The following PSORS1C1 variants were observed in gnomAD, a reference collection of about 807,000 sequenced individuals.
PSORS1C1 encodes psoriasis susceptibility 1 candidate 1, also known as psoriasis susceptibility 1 candidate gene 1 protein.
A neutral mutation model predicts 9.4 loss-of-function variants in PSORS1C1; 7 were observed. That is an observed-to-expected ratio of 0.75 (90% CI 0.42 to 1.40). PSORS1C1 has a LOEUF of 1.40. Among genes scored for constraint, PSORS1C1 ranks in the 40% most tolerant of loss-of-function variants. The probability of loss-of-function intolerance (pLI) is 0.01; values close to 1 mark genes in which losing one functional copy is unlikely to be tolerated. For missense variants in PSORS1C1, 146 were observed against 178.1 expected (o/e 0.82, Z 1.02); for synonymous variants, 63 against 69.4 (o/e 0.91, Z 0.46).
intron 1 of PSORS1C1, chr6:31,120,523 G>A (rs1772403654): frequency 2.9e-6 from 3 of 1,044,532 alleles, no homozygotes; most frequent in East Asian, 2.6e-5. Context: ...GGGAGAGGAG[G>A]AGAGGTGGAG....
intron 1 of PSORS1C1, chr6:31,116,437 G>A (rs1377755089): frequency 3.1e-6 from 5 of 1,590,126 alleles, no homozygotes; most frequent in East Asian, 2.3e-5. Flanking sequence ...AGAACTGGAG[G>A]GAGAGCAGGG....
At position 31,131,189 on chromosome 6, in the gene PSORS1C1, C is replaced by T. The variant is rs117690558; in HGVS notation, c.13+1544C>T. On this transcript the variant is annotated intron_variant, in intron 3 of 5. Coordinates refer to ENST00000259881, the MANE Select transcript of PSORS1C1 (RefSeq NM_014068.3). ...TTTACTCCAATCATTCCGATCTACTCTTTGTTAATTGGGCCCTTCATTAAA... is the reference window on the plus strand; with the variant it reads ...TTTACTCCAATCATTCCGATCTACTTTTTGTTAATTGGGCCCTTCATTAAA... Among the ~76,000 whole-genome samples the T allele has an allele frequency of 8.0e-4, 122 of 152,302 alleles. 2 individuals are homozygous for T. The East Asian group carries it at 0.013, about 16-fold the overall frequency.
At position 31,116,504 on chromosome 6, in the gene PSORS1C1, G is replaced by A. The variant is rs760768736; in HGVS notation, c.-229+1613G>A. 32 of 1,611,278 alleles carry A rather than the reference G, an allele frequency of 2.0e-5. No homozygotes were observed. The South Asian group carries it at 3.5e-4, about 18-fold the overall frequency. On this transcript the variant is annotated intron_variant, in intron 1 of 5. Transcript: ENST00000259881. ...AGCTGGACCCCACCAGTCCCCACTG[G>A]CTGGAATGCAATGGCCGAGGAAGCT...
chr6:31,130,724 T>C (rs1772876755), intron 3 of PSORS1C1, among the ~76,000 whole-genome samples: 1 of 152,116 alleles, frequency 6.6e-6, no homozygotes, highest in South Asian at 2.1e-4. Flanking sequence ...TTAAACATTT[T>C]TTTTGTAGAG....
At chr6:31,116,501 C>A in intron 1 of PSORS1C1, 1 of 1,610,750 alleles carries the variant, frequency 6.2e-7, no homozygotes. Flanking sequence ...CCAGTCCCCA[C>A]TGGCTGGAAT....
At chr6:31,121,014 C>G (rs1170943144) in intron 1 of PSORS1C1, among the ~76,000 whole-genome samples, 1 of 151,944 alleles carries the variant, frequency 6.6e-6, no homozygotes, top group African/African-American at 2.4e-5. Context: ...CAGGCTCCCC[C>G]TCCCACCACT....
At chr6:31,132,536 A>G (rs151050436) in intron 3 of PSORS1C1, among the ~76,000 whole-genome samples, 2 of 93,682 alleles carry the variant, frequency 2.1e-5, no homozygotes, top group African/African-American at 1.1e-4. Flanking sequence ...AATTGAATAA[A>G]TAAATAAATA....
In PSORS1C1 at chr6:31,117,114, G is replaced by C. The variant is rs773866444; in HGVS notation, c.-229+2223G>C. 3 of 1,614,058 alleles carry C rather than the reference G, an allele frequency of 1.9e-6. No individual in the cohort carries two copies. In the Admixed American group the frequency reaches 5.0e-5, roughly 27 times the overall value. On this transcript the variant is annotated intron_variant, in intron 1 of 5. Coordinates refer to ENST00000259881, the MANE Select transcript of PSORS1C1 (RefSeq NM_014068.3). The stretch of plus-strand genomic sequence containing the variant: ...GAGCAGAGCCATTCCCTACTTGGAA[G>C]CTGCTGCTGCTGAACTGAAAGCTGC...
chr6:31,122,387 C>T (rs1249070951), intron 1 of PSORS1C1, among the ~76,000 whole-genome samples: 1 of 152,206 alleles, frequency 6.6e-6, no homozygotes, highest in Non-Finnish European at 1.5e-5. Flanking sequence ...TTTCCTGAGT[C>T]TCCAGCCCAG....
chr6:31,119,669 C>T (rs1180157560), intron 1 of PSORS1C1, among the ~76,000 whole-genome samples: 10 of 152,210 alleles, frequency 6.6e-5, no homozygotes, highest in East Asian at 5.8e-4. Flanking sequence ...GAGGCTGAGG[C>T]GAGCGGATCA....
intron 1 of PSORS1C1, among the ~76,000 whole-genome samples, chr6:31,122,774 C>T (rs1772519233): frequency 6.6e-6 from 1 of 151,930 alleles, no homozygotes; most frequent in African/African-American, 2.4e-5. Flanking sequence ...AGGGAAACTC[C>T]GTCTCAAAAA....
rs1202147419 is a variant in PSORS1C1, at chr6:31,139,053, G to A, written c.167+274G>A. The A allele has an allele frequency of 6.2e-7, 1 of 1,611,986 alleles. No homozygotes were observed. Among genetic ancestry groups the A allele is most frequent in the South Asian group, 1.1e-5 (1 of 91,044 alleles). On this transcript the variant is annotated intron_variant, in intron 5 of 5. Transcript: ENST00000259881. The surrounding 1 kb of genome is among the most constrained non-coding windows in gnomAD (Gnocchi z 5.2). Reference sequence around the variant, plus strand: ...GCTATGTACTGGCCCCCAAAGCTGGGGTGGGCTGAGTCTGGGTGCCTGGGA... The same window carrying A: ...GCTATGTACTGGCCCCCAAAGCTGGAGTGGGCTGAGTCTGGGTGCCTGGGA...
At chr6:31,129,524 C>T (rs3130559) in intron 2 of PSORS1C1, 45 bp from the exon 3 acceptor site, 185,876 of 754,822 alleles carry the variant, frequency 0.25, 24,897 homozygotes, top group East Asian at 0.4. Context: ...CCAATTGCCT[C>T]ATGCCTCCCC....
At chr6:31,130,661 A>G (rs1772873902) in intron 3 of PSORS1C1, among the ~76,000 whole-genome samples, 1 of 152,060 alleles carries the variant, frequency 6.6e-6, no homozygotes, top group Non-Finnish European at 1.5e-5. Context: ...TCGGCCTCCC[A>G]AAGTGCTGGG....
At chr6:31,120,379 C>A in intron 1 of PSORS1C1, 1 of 1,594,616 alleles carries the variant, frequency 6.3e-7, no homozygotes, top group Non-Finnish European at 8.5e-7. Flanking sequence ...CATCCCGTGC[C>A]CACCCACACG....
At chr6:31,138,845 T>G in intron 5 of PSORS1C1, 66 bp downstream of exon 5, 1 of 1,607,266 alleles carries the variant, frequency 6.2e-7, no homozygotes, top group Non-Finnish European at 8.5e-7. Context: ...CCATTTCTGG[T>G]GAGCCAGATG....
chr6:31,120,576 G>A (rs984421863), intron 1 of PSORS1C1: 9 of 689,420 alleles, frequency 1.3e-5, no homozygotes, highest in South Asian at 3.2e-5. Context: ...CGGGAGGAGC[G>A]TGGTAATCAG....
At chr6:31,137,395 A>G (rs1773194554) in intron 3 of PSORS1C1, 1 of 152,298 alleles carries the variant, frequency 6.6e-6, no homozygotes, top group Non-Finnish European at 1.5e-5. Context: ...CGGAGCTTGC[A>G]GTGAGCCGAG....
Position 31,124,307 on chromosome 6 carries a change from G to A in PSORS1C1, c.-228-1369G>A, listed in dbSNP as rs190872981. Among the ~76,000 whole-genome samples the A allele has an allele frequency of 3.3e-3, 510 of 152,258 alleles. 1 individual carries two copies. The highest frequency in any genetic ancestry group is 9.9e-3 in the African/African-American group (410 of 41,552). On this transcript the variant is annotated intron_variant, in intron 1 of 5. Coordinates refer to ENST00000259881, the MANE Select transcript of PSORS1C1 (RefSeq NM_014068.3). Reference sequence around the variant, plus strand: ...TCCATAAAGAGGAGGCTTGGGGCACGAGATCCACCATGTACTGACTGCCTG... The same window carrying A: ...TCCATAAAGAGGAGGCTTGGGGCACAAGATCCACCATGTACTGACTGCCTG...
Sources: gnomAD v4.1 joint callset for allele counts (sites outside exome capture counted in the v4.1 genomes callset) on GRCh38, gnomAD v4.1.1 for gene constraint, Gnocchi (gnomAD v3.1) non-coding constraint, MANE v1.5 for transcripts, NCBI Gene and HGNC (gene_info 2026-07-23, HGNC 2026-07-21) for gene names.